The following DNM3 variants were observed in gnomAD, a reference collection of about 807,000 sequenced individuals.
The protein encoded by DNM3 is dynamin 3, also known as dynamin-3.
A neutral mutation model predicts 101.6 loss-of-function variants in DNM3; 47 were observed. The ratio of observed to expected loss-of-function variants is 0.46; its 90% CI spans 0.37 to 0.59. The LOEUF is 0.59. Among genes scored for constraint, DNM3 ranks in the 20% least tolerant of loss-of-function variants. The pLI is 0.00. For synonymous variants in DNM3, 385 were observed against 387.9 expected (o/e 0.99, Z 0.09); for missense variants, 849 against 1,085.7 (o/e 0.78, Z 3.06).
chr1:172,329,434 C>T (rs1173571096), intron 17 of DNM3, among the ~76,000 whole-genome samples: 2 of 151,962 alleles, frequency 1.3e-5, no homozygotes, highest in Non-Finnish European at 2.9e-5. Context: ...AAACACTATA[C>T]AGGCTACAAC....
intron 2 of DNM3, among the ~76,000 whole-genome samples, chr1:171,930,428 T>G (rs372450868): frequency 6.6e-6 from 1 of 152,184 alleles, no homozygotes; most frequent in South Asian, 2.1e-4. Context: ...TTGCCATAGT[T>G]GCAGCTGCTT....
At chr1:172,355,284 TAACA>T (rs1239788575) in intron 17 of DNM3, among the ~76,000 whole-genome samples, 1 of 151,796 alleles carries the variant, frequency 6.6e-6, no homozygotes, top group Non-Finnish European at 1.5e-5. Context: ...GTCAAGAGAA[TAACA>T]AACAGTAGGA....
chr1:172,076,526 G>A (rs2052660688), intron 11 of DNM3, among the ~76,000 whole-genome samples: 1 of 152,144 alleles, frequency 6.6e-6, no homozygotes, highest in Admixed American at 6.6e-5. Context: ...TTAGCATGAA[G>A]GGATGTTGAA....
At chr1:171,892,466 T>A (rs1571453348) in intron 1 of DNM3, among the ~76,000 whole-genome samples, 1 of 152,216 alleles carries the variant, frequency 6.6e-6, no homozygotes, top group South Asian at 2.1e-4. Flanking sequence ...CTGTATGTAA[T>A]CATCTGTATC....
At chr1:172,029,492 G>A (rs544802842) in intron 4 of DNM3, among the ~76,000 whole-genome samples, 10 of 152,234 alleles carry the variant, frequency 6.6e-5, no homozygotes, top group Non-Finnish European at 1.3e-4. Flanking sequence ...TTGAAAACCG[G>A]TACAAAACAA....
intron 13 of DNM3, among the ~76,000 whole-genome samples, chr1:172,100,325 A>T (rs543865369): frequency 6.0e-4 from 92 of 152,344 alleles, no homozygotes; most frequent in Non-Finnish European, 9.8e-4. Flanking sequence ...TAGTTTTAGT[A>T]GACACTAGTC....
intron 1 of DNM3, among the ~76,000 whole-genome samples, chr1:171,912,834 G>T (rs1179339612): frequency 1.3e-5 from 2 of 152,176 alleles, no homozygotes; most frequent in East Asian, 3.8e-4. Context: ...AGGGAAAATA[G>T]ATATTAGGTA....
At chr1:172,413,225 T>TTTTG (rs749870220), downstream of DNM3, among the ~76,000 whole-genome samples, 114 of 152,186 alleles carry the variant, frequency 7.5e-4, no homozygotes, top group African/African-American at 2.3e-3. Flanking sequence ...TTCCCCAGTT[T>TTTTG]TTTGTTTGTT....
At chr1:172,217,641 T>C (rs1482491235) in intron 14 of DNM3, among the ~76,000 whole-genome samples, 1 of 152,142 alleles carries the variant, frequency 6.6e-6, no homozygotes, top group Non-Finnish European at 1.5e-5. Flanking sequence ...TTCTGAAAAT[T>C]TAGCCTGTAT....
At chr1:172,087,851 T>A (rs1572452439) in intron 12 of DNM3, among the ~76,000 whole-genome samples, 2 of 152,326 alleles carry the variant, frequency 1.3e-5, no homozygotes, top group South Asian at 2.1e-4. Context: ...CTCTCTATAA[T>A]CTGTATCTTG....
chr1:172,192,600 C>G (rs1161433199), intron 14 of DNM3, among the ~76,000 whole-genome samples: 2 of 144,490 alleles, frequency 1.4e-5, no homozygotes, highest in African/African-American at 5.1e-5. Context: ...TTGTTCAATT[C>G]CCACCTATGA....
intron 7 of DNM3, among the ~76,000 whole-genome samples, chr1:172,038,768 T>A (rs140532769): frequency 6.6e-6 from 1 of 152,268 alleles, no homozygotes; most frequent in Non-Finnish European, 1.5e-5. Flanking sequence ...GTCTTAGAAG[T>A]GGGTAAATAC....
intron 15 of DNM3, among the ~76,000 whole-genome samples, chr1:172,274,333 T>A (rs2063195854): frequency 6.6e-6 from 1 of 152,040 alleles, no homozygotes; most frequent in Admixed American, 6.6e-5. Flanking sequence ...GGGATGAAGA[T>A]GCTAGAAATG....
chr1:172,242,431 A>T (rs1434439052), intron 14 of DNM3, among the ~76,000 whole-genome samples: 1 of 152,078 alleles, frequency 6.6e-6, no homozygotes, highest in Non-Finnish European at 1.5e-5. Context: ...TCCTGTGCCA[A>T]CAATTGTCTT....
intron 17 of DNM3, among the ~76,000 whole-genome samples, chr1:172,373,317 AT>A (rs1258601370): frequency 6.6e-6 from 1 of 152,130 alleles, no homozygotes; most frequent in African/African-American, 2.4e-5. Context: ...TTATAAACTC[AT>A]TAATGTTTAC....
chr1:171,886,432 A>C (rs1236834482), intron 1 of DNM3, among the ~76,000 whole-genome samples: 2 of 152,190 alleles, frequency 1.3e-5, no homozygotes, highest in East Asian at 3.8e-4. Flanking sequence ...TCAGAGAGGG[A>C]AAGTTTGAGG....
chr1:171,995,096 G>GTT (rs35925537), intron 4 of DNM3, among the ~76,000 whole-genome samples: 141 of 49,600 alleles, frequency 2.8e-3, no homozygotes, highest in East Asian at 3.4e-3. Context: ...TGAAATCCAG[G>GTT]TTTTTTTTTT....
intron 1 of DNM3, among the ~76,000 whole-genome samples, chr1:171,921,005 A>G (rs78135132): frequency 0.035 from 5,283 of 151,906 alleles, 303 homozygotes; most frequent in African/African-American, 0.12. Flanking sequence ...GCTCACTGCA[A>G]CTCTGCCTCC....
chr1:172,394,860 C>A (rs1414089620), intron 20 of DNM3, among the ~76,000 whole-genome samples: 1 of 151,942 alleles, frequency 6.6e-6, no homozygotes, highest in Non-Finnish European at 1.5e-5. Flanking sequence ...AATGTTAGCT[C>A]AAAGAAAGGG....
Sources: allele counts gnomAD v4.1 joint callset (sites outside exome capture counted in the v4.1 genomes callset), GRCh38; gene constraint gnomAD v4.1.1; transcripts MANE v1.5; gene names NCBI Gene and HGNC (gene_info 2026-07-23, HGNC 2026-07-21).